The following SLC5A10 variants were observed in gnomAD, a reference collection of about 807,000 sequenced individuals.
SLC5A10 encodes the protein solute carrier family 5 member 10.
Under a neutral mutation model 68.9 loss-of-function variants are expected in SLC5A10, and 55 were observed. The observed-to-expected ratio is 0.80, with a 90% CI of 0.64 to 1.00. The LOEUF (loss-of-function observed/expected upper bound fraction) is 1.00, where lower values mean the gene tolerates loss of function less well. SLC5A10 is among the 50% of genes least tolerant of loss of function. The pLI, the probability that SLC5A10 is intolerant of heterozygous loss-of-function variation, is 0.00. For missense variants in SLC5A10, 732 were observed against 819.3 expected, an observed-to-expected ratio of 0.89 and a Z score of 1.30; for synonymous variants, 344 against 344.8, an observed-to-expected ratio of 1.00 and a Z score of 0.02.
At chr17:18,964,232 C>T (rs1380362642) in intron 5 of SLC5A10, among the ~76,000 whole-genome samples, 8 of 152,172 alleles carry the variant, frequency 5.3e-5, no homozygotes, top group South Asian at 2.1e-4. Context: ...CCACATGCCT[C>T]GTGGGTCTAG....
chr17:18,950,749 TCTGTTG>T, upstream of SLC5A10: 2 of 962,288 alleles, frequency 2.1e-6, no homozygotes, highest in Non-Finnish European at 1.2e-6. Flanking sequence ...GGAGTCTCCC[TCTGTTG>T]CCCAGGCTGG....
rs546345876 is a variant in SLC5A10 at position 19,004,202 on chromosome 17, G to T, written c.983-9208G>T. The T allele has an allele frequency of 2.4e-4, 153 of 649,766 alleles. No homozygotes were observed. In the African/African-American group the frequency reaches 2.6e-3, roughly 11 times the overall value. 40.3% of individuals were successfully genotyped at this position (649,766 alleles called of 1,614,324 possible). On this transcript the variant is annotated intron_variant, in intron 9 of 14. Transcript: ENST00000395645. This position sits in a 1 kb window ranked among gnomAD's most constrained non-coding sequence, Gnocchi z 5.4. The stretch of plus-strand genomic sequence containing the variant: ...AAAGACCTGATGAGCCCGGCTCGGC[G>T]GGGAGGGCGGGCCGCGCGGGGAGGG...
intron 11 of SLC5A10, 108 bp from the exon 12 acceptor site, chr17:19,019,314 TG>T: frequency 1.5e-6 from 2 of 1,355,898 alleles, no homozygotes; most frequent in Non-Finnish European, 2.0e-6. Flanking sequence ...AGGCTGGAGC[TG>T]GGGTAGCAGG....
chr17:19,019,976 C>G, intron 13 of SLC5A10, 48 bp downstream of exon 13: 1 of 1,531,610 alleles, frequency 6.5e-7, no homozygotes, highest in Non-Finnish European at 8.9e-7. Context: ...ATTTCTTACT[C>G]TGGTCCCATT....
At chr17:19,013,714 A>T (rs2044071450) in intron 10 of SLC5A10, among the ~76,000 whole-genome samples, 197 bp downstream of exon 10, 1 of 128,714 alleles carries the variant, frequency 7.8e-6, no homozygotes, top group African/African-American at 3.1e-5. Context: ...TGTTGCTGGG[A>T]TTAAACATAA....
chr17:18,966,927 C>T (rs1305201112), intron 5 of SLC5A10, among the ~76,000 whole-genome samples: 2 of 151,956 alleles, frequency 1.3e-5, no homozygotes, highest in African/African-American at 2.4e-5. Flanking sequence ...TTTGTGTGCT[C>T]CACACCCACT....
chr17:18,952,136 G>A, upstream of SLC5A10: 5 of 1,545,822 alleles, frequency 3.2e-6, no homozygotes, highest in Non-Finnish European at 4.4e-6. Flanking sequence ...TCCCTGCCAG[G>A]AAACCCTTTC....
rs1437229372 is a variant in SLC5A10 at position 19,022,154 on chromosome 17, G to C, written c.*1723G>C. 6.9e-7 allele frequency: 1 copy of C among 1,442,452 alleles called. No homozygotes were observed. The highest frequency in any genetic ancestry group is 9.2e-7 in the Non-Finnish European group (1 of 1,087,618). The allele number at this position is 1,442,452 out of a possible 1,614,324, so 89.4% of individuals were successfully genotyped here. A position where few individuals can be genotyped will look rare whatever the true frequency, so the allele number is the denominator to read the frequency against. On this transcript the variant is annotated 3_prime_UTR_variant, in exon 15 of 15. Coordinates refer to ENST00000395645, the MANE Select transcript of SLC5A10 (RefSeq NM_001042450.4). ...AGCAGGCCCCAGGTGACTGCAAGAA[G>C]AGGAGGTGGTTAGTAGGGTGCCTTC...
intron 13 of SLC5A10, 66 bp from the exon 14 acceptor site, chr17:19,020,089 C>T: frequency 6.7e-7 from 1 of 1,500,918 alleles, no homozygotes; most frequent in Admixed American, 1.9e-5. Context: ...AACCTTTGAT[C>T]CTGTCTGGGT....
chr17:19,018,246 C>T lies in SLC5A10; in HGVS notation c.1242-1177C>T, dbSNP rs2044180756. On this transcript the variant is annotated intron_variant, in intron 11 of 14. Coordinates refer to ENST00000395645, the MANE Select transcript of SLC5A10 (RefSeq NM_001042450.4). The surrounding 1 kb of genome is among the most constrained non-coding windows in gnomAD (Gnocchi z 4.2). ...CCACAGCCAGGGTTCCAGCGGGTCA[C>T]CCACCACCCACCTTGGGGGTGAGGA... 6.6e-6 allele frequency: 1 copy of T among 152,354 alleles called. No homozygotes were observed. Among genetic ancestry groups the T allele is most frequent in the Non-Finnish European group, 1.5e-5 (1 of 68,132 alleles). The allele number at this position is 152,354 out of a possible 1,614,324, so 9.4% of individuals were successfully genotyped here.
rs536717658 is a variant in SLC5A10, at chr17:19,002,250, T to C, written c.983-11160T>C. Among the ~76,000 whole-genome samples the C allele has an allele frequency of 2.6e-5, 4 of 152,352 alleles. No individual in the cohort carries two copies. The South Asian group carries it at 8.3e-4, about 32-fold the overall frequency. On this transcript the variant is annotated intron_variant, in intron 9 of 14. Coordinates refer to ENST00000395645, the MANE Select transcript of SLC5A10 (RefSeq NM_001042450.4). ...GATCAGAAACCCGAAGCCTCAAAGCTGCCCAGGGTCAGTCAGTGAATTGAG... is the reference window on the plus strand; with the variant it reads ...GATCAGAAACCCGAAGCCTCAAAGCCGCCCAGGGTCAGTCAGTGAATTGAG...
chr17:18,959,788 T>C, intron 4 of SLC5A10, 125 bp downstream of exon 4: 1 of 803,326 alleles, frequency 1.2e-6, no homozygotes, highest in Non-Finnish European at 2.1e-6. Flanking sequence ...GGGTTTGCTA[T>C]TAGCCCGACT....
Position 18,982,374 on chromosome 17 carries a change from G to A in SLC5A10, c.982+5385G>A, listed in dbSNP as rs1039674676. On this transcript the variant is annotated intron_variant, in intron 9 of 14. Coordinates refer to ENST00000395645, the MANE Select transcript of SLC5A10 (RefSeq NM_001042450.4). Reference sequence around the variant, plus strand: ...CGGGGCCTGGCCTGGATGAGGTAACGTCTCAAGACTCTGGGCTCGTGTGCG... The same window carrying A: ...CGGGGCCTGGCCTGGATGAGGTAACATCTCAAGACTCTGGGCTCGTGTGCG... Among the ~76,000 whole-genome samples, 7 of 152,344 alleles carry A rather than the reference G, an allele frequency of 4.6e-5. 1 individual carries two copies. In the East Asian group the frequency reaches 5.8e-4, roughly 13 times the overall value.
At chr17:18,952,863 A>G (rs1341953147) in intron 1 of SLC5A10, among the ~76,000 whole-genome samples, 1 of 152,060 alleles carries the variant, frequency 6.6e-6, no homozygotes, top group Non-Finnish European at 1.5e-5. Context: ...GACCCCACAC[A>G]CAGATTCCAG....
chr17:18,971,546 C>T lies in SLC5A10; in HGVS notation c.846+328C>T, dbSNP rs750911081. 4 of 1,613,760 alleles carry T rather than the reference C, an allele frequency of 2.5e-6. No homozygotes were observed. The highest frequency in any genetic ancestry group is 3.4e-6 in the Non-Finnish European group (4 of 1,180,028). ...CATGGGGCGGGCATTTTGGGCCAGTCTTGGGCTGCCGGGATCCGGAAGCAG... is the reference window on the plus strand; with the variant it reads ...CATGGGGCGGGCATTTTGGGCCAGTTTTGGGCTGCCGGGATCCGGAAGCAG... On this transcript the variant is annotated intron_variant, in intron 8 of 14. Coordinates refer to ENST00000395645, the MANE Select transcript of SLC5A10 (RefSeq NM_001042450.4). The surrounding 1 kb of genome is among the most constrained non-coding windows in gnomAD (Gnocchi z 5.5).
At chr17:18,973,332 C>T (rs1283055811) in intron 8 of SLC5A10, among the ~76,000 whole-genome samples, 1 of 152,238 alleles carries the variant, frequency 6.6e-6, no homozygotes, top group Non-Finnish European at 1.5e-5. Context: ...GGGCAGGCCC[C>T]ACTGCACAGA....
chr17:18,960,714 C>A, intron 5 of SLC5A10, 62 bp downstream of exon 5: 1 of 1,453,998 alleles, frequency 6.9e-7, no homozygotes, highest in Non-Finnish European at 9.7e-7. Context: ...GTGGGCCCCT[C>A]AAGAGGACCT....
chr17:18,980,800 C>G (rs575830500), intron 9 of SLC5A10, among the ~76,000 whole-genome samples: 6 of 152,270 alleles, frequency 3.9e-5, no homozygotes, highest in African/African-American at 1.4e-4. Context: ...GTAAGAAATG[C>G]TCCTGGGTGC....
chr17:18,982,583 G>T (rs370200262), intron 9 of SLC5A10, among the ~76,000 whole-genome samples: 6 of 152,336 alleles, frequency 3.9e-5, no homozygotes, highest in South Asian at 4.1e-4. Flanking sequence ...GCGAGTCAGG[G>T]CAGGGGAGGA....
Sources: gnomAD v4.1 joint callset for allele counts (sites outside exome capture counted in the v4.1 genomes callset) on GRCh38, gnomAD v4.1.1 for gene constraint, Gnocchi (gnomAD v3.1) non-coding constraint, MANE v1.5 for transcripts, NCBI Gene and HGNC (gene_info 2026-07-23, HGNC 2026-07-21) for gene names.